PARD3B: variants seen among roughly 807,000 people sequenced by gnomAD.
PARD3B encodes par-3 family cell polarity regulator beta.
Under a neutral mutation model 130.2 loss-of-function variants are expected in PARD3B, and 103 were observed. The ratio of observed to expected loss-of-function variants is 0.79; its 90% CI spans 0.67 to 0.93. The LOEUF (loss-of-function observed/expected upper bound fraction) is 0.93. Among genes scored for constraint, PARD3B ranks in the 40% least tolerant of loss-of-function variants. The pLI is 0.00. For missense variants in PARD3B, 1,609 were observed against 1,499.2 expected (o/e 1.07, Z -1.21); for synonymous variants, 583 against 553.2 (o/e 1.05, Z -0.76).
intron 2 of PARD3B, among the ~76,000 whole-genome samples, chr2:204,815,582 A>G (rs2043115637): frequency 6.6e-6 from 1 of 151,844 alleles, no homozygotes; most frequent in Non-Finnish European, 1.5e-5. Flanking sequence ...TTGCCATTCA[A>G]TTTCCTCTTC....
At chr2:204,629,235 T>C (rs1051297021) in intron 1 of PARD3B, among the ~76,000 whole-genome samples, 1 of 152,180 alleles carries the variant, frequency 6.6e-6, no homozygotes, top group African/African-American at 2.4e-5. Context: ...AAAGATGACA[T>C]CCTTTGAAAA....
intron 2 of PARD3B, among the ~76,000 whole-genome samples, chr2:204,710,316 T>C (rs2038372277): frequency 6.6e-6 from 1 of 152,246 alleles, no homozygotes; most frequent in Admixed American, 6.5e-5. Context: ...AAATGCCGTT[T>C]CCATATATTC....
chr2:204,730,969 C>T (rs914737402), intron 2 of PARD3B, among the ~76,000 whole-genome samples: 9 of 152,080 alleles, frequency 5.9e-5, no homozygotes, highest in Non-Finnish European at 1.3e-4. Flanking sequence ...GTGACAGTAG[C>T]CTGAAAAGAG....
intron 16 of PARD3B, among the ~76,000 whole-genome samples, chr2:205,260,550 G>T (rs1013669288): frequency 1.3e-5 from 2 of 152,110 alleles, no homozygotes; most frequent in African/African-American, 4.8e-5. Flanking sequence ...TGGGGAGCCT[G>T]ATTTGCATGT....
At chr2:205,030,314 C>G (rs1485143220) in intron 3 of PARD3B, among the ~76,000 whole-genome samples, 1 of 152,090 alleles carries the variant, frequency 6.6e-6, no homozygotes, top group Non-Finnish European at 1.5e-5. Context: ...CAAGCGACAA[C>G]CAATTAAAAC....
chr2:205,254,885 C>T (rs553193017), intron 16 of PARD3B, among the ~76,000 whole-genome samples: 1 of 151,598 alleles, frequency 6.6e-6, no homozygotes, highest in Non-Finnish European at 1.5e-5. Flanking sequence ...AGGATGGTCT[C>T]GATCTCCTGA....
At chr2:204,617,251 G>C (rs1003928002) in intron 1 of PARD3B, among the ~76,000 whole-genome samples, 3 of 152,158 alleles carry the variant, frequency 2.0e-5, no homozygotes, top group African/African-American at 7.2e-5. Flanking sequence ...GGCCTCTCCT[G>C]ATGATACTTT....
intron 2 of PARD3B, among the ~76,000 whole-genome samples, chr2:204,723,704 T>A (rs958279586): frequency 4.6e-5 from 7 of 152,092 alleles, no homozygotes; most frequent in African/African-American, 1.7e-4. Flanking sequence ...AGTCATTCAC[T>A]AGAAGGGGAG....
intron 20 of PARD3B, among the ~76,000 whole-genome samples, chr2:205,477,715 A>G (rs1008246276): frequency 5.1e-4 from 77 of 152,366 alleles, no homozygotes; most frequent in African/African-American, 1.9e-3. Flanking sequence ...TCAGCCCTAC[A>G]GTATGAGAAA....
At chr2:205,289,145 T>C (rs2041509104) in intron 16 of PARD3B, among the ~76,000 whole-genome samples, 1 of 152,172 alleles carries the variant, frequency 6.6e-6, no homozygotes, top group South Asian at 2.1e-4. Flanking sequence ...AATAAACAAG[T>C]TTATTTGGGC....
intron 20 of PARD3B, among the ~76,000 whole-genome samples, chr2:205,454,960 A>G (rs2106207150): frequency 6.6e-6 from 1 of 152,268 alleles, no homozygotes; most frequent in Non-Finnish European, 1.5e-5. Flanking sequence ...CCCTTTAAGC[A>G]AAGTGTGTAT....
At chr2:205,065,721 CAGGATGCCCAATGG>C (rs879259828) in intron 4 of PARD3B, among the ~76,000 whole-genome samples, 1 of 152,070 alleles carries the variant, frequency 6.6e-6, no homozygotes, top group Non-Finnish European at 1.5e-5. Context: ...GTTATAAAGC[CAGGATGCCCAATGG>C]ATTTTCTCTC....
chr2:204,893,048 A>G (rs2046507040), intron 2 of PARD3B, among the ~76,000 whole-genome samples: 1 of 152,210 alleles, frequency 6.6e-6, no homozygotes, highest in Admixed American at 6.5e-5. Context: ...GAGTGAATGT[A>G]GGTCTGTGAC....
intron 3 of PARD3B, among the ~76,000 whole-genome samples, chr2:205,040,608 G>C (rs1310672823): frequency 6.6e-6 from 1 of 152,122 alleles, no homozygotes; most frequent in Non-Finnish European, 1.5e-5. Flanking sequence ...GTCTTTCTAT[G>C]CTATTAATAT....
At chr2:204,663,062 A>G (rs531212381) in intron 1 of PARD3B, among the ~76,000 whole-genome samples, 1 of 152,298 alleles carries the variant, frequency 6.6e-6, no homozygotes, top group African/African-American at 2.4e-5. Context: ...CTAACCATAT[A>G]GGTATCTTTA....
In PARD3B at chr2:205,245,784, A is replaced by C. The variant is rs2039546370; in HGVS notation, c.2147A>C (p.Asp716Ala). ...KASKSMDLVP[D>A]ESKVHSLAGQ... ...TTTTATTTCTTCTCCTCAGTGCCAG[A>C]TGAAAGCAAGGTTCACTCATTGGCT... Residue 716 changes from aspartate (D) to alanine (A), a missense_variant, in exon 16 of 23, where the codon GAT (aspartate) becomes GCT (alanine). Coordinates refer to ENST00000406610, the MANE Select transcript of PARD3B (RefSeq NM_001302769.2). 6.2e-7 allele frequency: 1 copy of C among 1,601,326 alleles called. No individual in the cohort carries two copies. Among genetic ancestry groups the C allele is most frequent in the Non-Finnish European group, 8.6e-7 (1 of 1,169,092 alleles).
At chr2:205,528,656 T>A (rs1253575550) in intron 21 of PARD3B, among the ~76,000 whole-genome samples, 4 of 152,104 alleles carry the variant, frequency 2.6e-5, no homozygotes, top group Non-Finnish European at 4.4e-5. Context: ...CACACCCAGC[T>A]AATTTTTGTA....
At chr2:204,940,644 C>G (rs916840014) in intron 2 of PARD3B, among the ~76,000 whole-genome samples, 1 of 152,078 alleles carries the variant, frequency 6.6e-6, no homozygotes, top group African/African-American at 2.4e-5. Flanking sequence ...GTTCTGGGAA[C>G]AGTTCACTAG....
intron 2 of PARD3B, among the ~76,000 whole-genome samples, chr2:204,816,258 ATTAT>A (rs1559167741): frequency 6.6e-6 from 1 of 151,992 alleles, no homozygotes; most frequent in African/African-American, 2.4e-5. Context: ...CAACATTACT[ATTAT>A]TTATGTTTAA....
Sources: gnomAD v4.1 joint callset for allele counts (sites outside exome capture counted in the v4.1 genomes callset) on GRCh38, gnomAD v4.1.1 for gene constraint, MANE v1.5 for transcripts, NCBI Gene and HGNC (gene_info 2026-07-23, HGNC 2026-07-21) for gene names.